The following PDE5A variants were observed in gnomAD, a reference collection of about 807,000 sequenced individuals.
The protein encoded by PDE5A is cGMP-specific 3',5'-cyclic phosphodiesterase.
In PDE5A, 67 loss-of-function variants were observed where a neutral mutation model predicts 110.2. The observed-to-expected ratio is 0.61, with a 90% CI of 0.50 to 0.75. The LOEUF is 0.75. PDE5A is among the 30% of genes least tolerant of loss of function. The probability of loss-of-function intolerance (pLI) is 0.00; values close to 1 mark genes in which losing one functional copy is unlikely to be tolerated. For missense variants in PDE5A, 862 were observed against 1,045.1 expected (o/e 0.82, Z 2.42); for synonymous variants, 328 against 351.2 (o/e 0.93, Z 0.74).
rs1726266009 is a variant in PDE5A at position 119,525,164 on chromosome 4, T to G, written c.1779+385A>C. Among the ~76,000 whole-genome samples the G allele has an allele frequency of 6.6e-6, 1 of 152,082 alleles. No individual in the cohort carries two copies. The highest frequency in any genetic ancestry group is 1.5e-5 in the Non-Finnish European group (1 of 68,012). ...CATTGTTTTCAGGGTAAAATCCAAA[T>G]TCATCTGTACGGCTTACAAGGTTCC... On this transcript the variant is annotated intron_variant, in intron 12 of 20. Transcript: ENST00000354960. This position sits in a 1 kb window ranked among gnomAD's most constrained non-coding sequence, Gnocchi z 4.3.
chr4:119,610,349 G>C (rs1270063657), intron 1 of PDE5A, among the ~76,000 whole-genome samples: 1 of 152,110 alleles, frequency 6.6e-6, no homozygotes, highest in Non-Finnish European at 1.5e-5. Context: ...CAGGAAAAAA[G>C]CAATATGTCT....
At chr4:119,564,684 AG>A (rs1727863232) in intron 5 of PDE5A, among the ~76,000 whole-genome samples, 1 of 152,158 alleles carries the variant, frequency 6.6e-6, no homozygotes, top group Admixed American at 6.6e-5. Flanking sequence ...CAGAAACATC[AG>A]GAAAAATGAA....
At chr4:119,626,423 G>C (rs2110571998) in intron 1 of PDE5A, among the ~76,000 whole-genome samples, 1 of 152,290 alleles carries the variant, frequency 6.6e-6, no homozygotes, top group East Asian at 1.9e-4. Context: ...GAAAAATAGG[G>C]AACGAAGAAA....
At chr4:119,572,839 A>G (rs765750596) in intron 3 of PDE5A, among the ~76,000 whole-genome samples, 7 of 152,184 alleles carry the variant, frequency 4.6e-5, no homozygotes, top group Non-Finnish European at 1.0e-4. Flanking sequence ...ATATTTGGTG[A>G]TGTTTCCTTT....
intron 17 of PDE5A, among the ~76,000 whole-genome samples, chr4:119,505,159 G>A (rs1725510912): frequency 6.6e-6 from 1 of 151,840 alleles, no homozygotes; most frequent in Non-Finnish European, 1.5e-5. Flanking sequence ...TCACTCCTAG[G>A]TTATAGAAGA....
At chr4:119,513,876 G>A (rs1485999932) in intron 14 of PDE5A, among the ~76,000 whole-genome samples, 1 of 152,200 alleles carries the variant, frequency 6.6e-6, no homozygotes, top group African/African-American at 2.4e-5. Flanking sequence ...GCTTGAGATA[G>A]ATGAATGCAA....
chr4:119,532,569 C>A (rs1049359246), intron 11 of PDE5A, among the ~76,000 whole-genome samples: 1 of 151,688 alleles, frequency 6.6e-6, no homozygotes, highest in African/African-American at 2.4e-5. Flanking sequence ...ATAGAGAGTG[C>A]CTTTTTGTTT....
chr4:119,618,131 T>C (rs1335231006), intron 1 of PDE5A, among the ~76,000 whole-genome samples: 4 of 152,140 alleles, frequency 2.6e-5, no homozygotes, highest in Non-Finnish European at 5.9e-5. Context: ...CACCTCTTTC[T>C]AAGAATATGA....
At chr4:119,565,837 T>C (rs1448859353) in intron 4 of PDE5A, among the ~76,000 whole-genome samples, 4 of 151,730 alleles carry the variant, frequency 2.6e-5, no homozygotes, top group Non-Finnish European at 5.9e-5. Context: ...TTAAATATTA[T>C]ATAAAGTTGC....
At position 119,498,503 on chromosome 4, in the gene PDE5A, T is replaced by C. The variant is rs202038920; in HGVS notation, c.*98A>G. 18 of 1,362,320 alleles carry C rather than the reference T, an allele frequency of 1.3e-5. No individual in the cohort carries two copies. The highest frequency in any genetic ancestry group is 1.9e-4 in the Middle Eastern group (1 of 5,402). The allele number at this position is 1,362,320 out of a possible 1,614,324, so 84.4% of individuals were successfully genotyped here. A position where few individuals can be genotyped will look rare whatever the true frequency, so the allele number is the denominator to read the frequency against. ...AAAAATACAGCAGTGGCAAAGTATATACCAAATACAGACACTATACAGACA... is the reference window on the plus strand; with the variant it reads ...AAAAATACAGCAGTGGCAAAGTATACACCAAATACAGACACTATACAGACA... On this transcript the variant is annotated 3_prime_UTR_variant, in exon 21 of 21. Coordinates refer to ENST00000354960, the MANE Select transcript of PDE5A (RefSeq NM_001083.4).
At position 119,567,057 on chromosome 4, in the gene PDE5A, A is replaced by G. The variant is rs1399712560; in HGVS notation, c.903+16T>C. ...ATCTTCCTAAATTGGCTCATGTCTGACACAAGTTTTGGTACCTTTTCATCT... is the reference window on the plus strand; with the variant it reads ...ATCTTCCTAAATTGGCTCATGTCTGGCACAAGTTTTGGTACCTTTTCATCT... On this transcript the variant is annotated intron_variant, in intron 4 of 20. Coordinates refer to ENST00000354960, the MANE Select transcript of PDE5A (RefSeq NM_001083.4). 6 of 1,591,952 alleles carry G rather than the reference A, an allele frequency of 3.8e-6. No individual in the cohort carries two copies. The highest frequency in any genetic ancestry group is 5.2e-6 in the Non-Finnish European group (6 of 1,159,886).
At chr4:119,549,055 A>G (rs942674037) in intron 9 of PDE5A, 4 of 152,344 alleles carry the variant, frequency 2.6e-5, no homozygotes, top group Admixed American at 2.0e-4. Flanking sequence ...TTCTACTGCA[A>G]CACACAGATG....
intron 2 of PDE5A, among the ~76,000 whole-genome samples, chr4:119,603,442 ATGG>A (rs1259669600): frequency 6.6e-6 from 1 of 152,154 alleles, no homozygotes; most frequent in African/African-American, 2.4e-5. Context: ...TAGTTGCATG[ATGG>A]TGGGCTGATG....
chr4:119,504,703 T>C, intron 17 of PDE5A, 104 bp from the exon 18 acceptor site: 1 of 758,228 alleles, frequency 1.3e-6, no homozygotes, highest in Non-Finnish European at 2.1e-6. Context: ...CTCTAAACAA[T>C]GGAAATGGCA....
intron 3 of PDE5A, among the ~76,000 whole-genome samples, chr4:119,583,318 C>T (rs551655608): frequency 5.7e-4 from 87 of 152,292 alleles, no homozygotes; most frequent in Middle Eastern, 3.4e-3. Flanking sequence ...TCTGAAGCTT[C>T]CTTACCTCTC....
chr4:119,511,555 C>A (rs1725745127), intron 14 of PDE5A, among the ~76,000 whole-genome samples: 1 of 152,000 alleles, frequency 6.6e-6, no homozygotes, highest in Non-Finnish European at 1.5e-5. Context: ...AATGCTCAGG[C>A]TGAAGGTCAG....
intron 16 of PDE5A, 56 bp downstream of exon 16, chr4:119,507,548 T>C (rs1725596054): frequency 8.5e-7 from 1 of 1,172,830 alleles, no homozygotes; most frequent in African/African-American, 1.6e-5. Flanking sequence ...GTCAAAAGTT[T>C]GAAACAATGA....
chr4:119,622,416 C>G (rs904889508), intron 1 of PDE5A, among the ~76,000 whole-genome samples: 9 of 152,026 alleles, frequency 5.9e-5, no homozygotes, highest in Admixed American at 4.6e-4. Context: ...AGGTAAAATA[C>G]AATTATTCAG....
intron 3 of PDE5A, among the ~76,000 whole-genome samples, chr4:119,577,860 T>G (rs1728420194): frequency 6.6e-6 from 1 of 152,088 alleles, no homozygotes; most frequent in African/African-American, 2.4e-5. Flanking sequence ...GAGAAGGAAA[T>G]AAAGGGTATT....
Sources: allele counts gnomAD v4.1 joint callset (sites outside exome capture counted in the v4.1 genomes callset), GRCh38; gene constraint gnomAD v4.1.1; non-coding constraint Gnocchi (gnomAD v3.1); transcripts MANE v1.5; gene names NCBI Gene and HGNC (gene_info 2026-07-23, HGNC 2026-07-21).